ADAMTS14: variants seen among roughly 807,000 people sequenced by gnomAD.
ADAMTS14 encodes the protein A disintegrin and metalloproteinase with thrombospondin motifs 14.
In ADAMTS14, 100 loss-of-function variants were observed where a neutral mutation model predicts 128.6. The observed-to-expected ratio is 0.78, with a 90% confidence interval of 0.66 to 0.92. ADAMTS14 has a LOEUF of 0.92. ADAMTS14 is among the 40% of genes least tolerant of loss of function. The pLI is 0.00. For missense variants in ADAMTS14, 1,562 were observed against 1,658.6 expected (o/e 0.94, Z 1.01); for synonymous variants, 665 against 653.8 (o/e 1.02, Z -0.26).
intron 4 of ADAMTS14, among the ~76,000 whole-genome samples, chr10:70,724,159 C>T (rs537180589): frequency 1.9e-4 from 29 of 152,320 alleles, no homozygotes; most frequent in Non-Finnish European, 3.4e-4. Context: ...CTTTTCTTCC[C>T]TTGGTCAGAG....
At chr10:70,710,729 A>C (rs1840827250) in intron 4 of ADAMTS14, among the ~76,000 whole-genome samples, 2 of 152,222 alleles carry the variant, frequency 1.3e-5, no homozygotes, top group South Asian at 4.1e-4. Context: ...AGTACTTACT[A>C]CCAGAGGTTT....
At chr10:70,700,661 G>C (rs544579421) in intron 2 of ADAMTS14, among the ~76,000 whole-genome samples, 1 of 152,186 alleles carries the variant, frequency 6.6e-6, no homozygotes, top group Non-Finnish European at 1.5e-5. Context: ...CAGGGGGTTT[G>C]AGTTGAATTT....
At chr10:70,709,365 C>CAG (rs1177164743) in intron 4 of ADAMTS14, among the ~76,000 whole-genome samples, 7 of 151,808 alleles carry the variant, frequency 4.6e-5, no homozygotes, top group African/African-American at 1.7e-4. Flanking sequence ...GGCTGTCCTG[C>CAG]AGAGATACAG....
chr10:70,713,769 G>A, intron 4 of ADAMTS14, among the ~76,000 whole-genome samples: 1 of 152,180 alleles, frequency 6.6e-6, no homozygotes, highest in East Asian at 1.9e-4. Context: ...CAGGACCTGT[G>A]CCCAGAAGGC....
chr10:70,738,072 G>A (rs910018431), intron 10 of ADAMTS14, among the ~76,000 whole-genome samples: 1 of 129,212 alleles, frequency 7.7e-6, no homozygotes, highest in Non-Finnish European at 1.6e-5. Flanking sequence ...TGAAGATCAG[G>A]CATCTGAAGT....
At chr10:70,692,059 C>A (rs984063476) in intron 2 of ADAMTS14, among the ~76,000 whole-genome samples, 4 of 151,882 alleles carry the variant, frequency 2.6e-5, no homozygotes, top group Non-Finnish European at 5.9e-5. Flanking sequence ...TCTGAATCAC[C>A]CAGCAGCTTC....
chr10:70,686,199 C>T (rs1184066016), intron 2 of ADAMTS14, among the ~76,000 whole-genome samples: 1 of 150,814 alleles, frequency 6.6e-6, no homozygotes, highest in African/African-American at 2.4e-5. Context: ...GAGGTGAGAT[C>T]GTTTGTTAGG....
At position 70,735,101 on chromosome 10, in the gene ADAMTS14, C is replaced by T. The variant is rs185053127; in HGVS notation, c.1353-68C>T. ...AGGCCTTGCTCATGAAAACCCCAGC[C>T]CCTGGGAAGGGAAAGCCTGGGACTT... On this transcript the variant is annotated intron_variant, in intron 8 of 21. Coordinates refer to ENST00000373207, the MANE Select transcript of ADAMTS14 (RefSeq NM_080722.4). 1.6e-5 allele frequency: 25 copies of T among 1,560,494 alleles called. No individual in the cohort carries two copies. In the African/African-American group the frequency reaches 2.8e-4, roughly 18 times the overall value.
intron 16 of ADAMTS14, among the ~76,000 whole-genome samples, chr10:70,750,498 C>T (rs1225051557): frequency 2.6e-5 from 4 of 152,168 alleles, no homozygotes; most frequent in East Asian, 3.9e-4. Context: ...ACCCAGCAGA[C>T]GAGACCATTA....
At chr10:70,723,777 CT>C (rs1201356279) in intron 4 of ADAMTS14, among the ~76,000 whole-genome samples, 2 of 152,176 alleles carry the variant, frequency 1.3e-5, no homozygotes, top group African/African-American at 4.8e-5. Flanking sequence ...CTTTTACAAC[CT>C]TCTTGAGTTG....
At chr10:70,733,163 C>A (rs1367366503) in intron 7 of ADAMTS14, among the ~76,000 whole-genome samples, 2 of 152,202 alleles carry the variant, frequency 1.3e-5, no homozygotes, top group Non-Finnish European at 2.9e-5. Flanking sequence ...ACCAGGGGAA[C>A]CTCTGAGGCC....
In ADAMTS14 at chr10:70,751,470, C is replaced by T. The variant is rs1842346581; in HGVS notation, c.2428-8C>T. 3 of 1,599,050 alleles carry T rather than the reference C, an allele frequency of 1.9e-6. No individual in the cohort carries two copies. The highest frequency in any genetic ancestry group is 1.7e-6 in the Non-Finnish European group (2 of 1,167,510). ...CTGGTCCTGTGCCAGCTCCCCATCT[C>T]CCCTCAGGCTCTCCCCCCAACTGAG... On this transcript the variant is annotated splice_polypyrimidine_tract_variant and splice_region_variant and intron_variant, in intron 16 of 21. Transcript: ENST00000373207.
intron 4 of ADAMTS14, among the ~76,000 whole-genome samples, chr10:70,723,575 G>A (rs1159876781): frequency 6.6e-6 from 1 of 152,154 alleles, no homozygotes; most frequent in Non-Finnish European, 1.5e-5. Context: ...CAGGCCATTC[G>A]CCGCGAGGAT....
At position 70,693,944 on chromosome 10, in the gene ADAMTS14, G is replaced by A. The variant is rs142964208; in HGVS notation, c.523-8368G>A. Among the ~76,000 whole-genome samples, 67 of 152,356 alleles carry A rather than the reference G, an allele frequency of 4.4e-4. 1 individual carries two copies. Among genetic ancestry groups the A allele is most frequent in the Non-Finnish European group, 2.1e-4 (14 of 68,024 alleles). ...GCCGTGCAGATGTACGTGGCAGAGC[G>A]TGCCAGTTGTGGACAAGTCTGGCAG... On this transcript the variant is annotated intron_variant, in intron 2 of 21. Transcript: ENST00000373207.
At chr10:70,734,607 G>A (rs1300177532) in intron 8 of ADAMTS14, among the ~76,000 whole-genome samples, 1 of 152,196 alleles carries the variant, frequency 6.6e-6, no homozygotes, top group Non-Finnish European at 1.5e-5. Context: ...GGCCTGGCTG[G>A]TCAGCTCCTG....
intron 2 of ADAMTS14, among the ~76,000 whole-genome samples, chr10:70,685,428 G>A (rs1308389123): frequency 6.6e-6 from 1 of 152,236 alleles, no homozygotes; most frequent in Non-Finnish European, 1.5e-5. Flanking sequence ...CTTGTGTTAT[G>A]AAAACCTGCA....
At chr10:70,679,262 G>C (rs1839732678) in intron 2 of ADAMTS14, among the ~76,000 whole-genome samples, 1 of 152,208 alleles carries the variant, frequency 6.6e-6, no homozygotes, top group African/African-American at 2.4e-5. Context: ...AGCCAGTCTT[G>C]AGGATGTCCA....
At position 70,735,151 on chromosome 10, in the gene ADAMTS14, C is replaced by T. The variant is rs746021834; in HGVS notation, c.1353-18C>T. On this transcript the variant is annotated intron_variant, in intron 8 of 21. Coordinates refer to ENST00000373207, the MANE Select transcript of ADAMTS14 (RefSeq NM_080722.4). Reference sequence around the variant, plus strand: ...TCCTGCTGTCAGCCTGGCTCACCTTCCTTGTCTCTACTGGCAGCTCCTACG... The same window carrying T: ...TCCTGCTGTCAGCCTGGCTCACCTTTCTTGTCTCTACTGGCAGCTCCTACG... 24 of 1,605,814 alleles carry T rather than the reference C, an allele frequency of 1.5e-5. No individual in the cohort carries two copies. Among genetic ancestry groups the T allele is most frequent in the Non-Finnish European group, 1.7e-5 (20 of 1,173,948 alleles).
intron 13 of ADAMTS14, 30 bp from the exon 14 acceptor site, chr10:70,744,036 T>TC (rs756500625): frequency 8.1e-5 from 126 of 1,551,962 alleles, no homozygotes; most frequent in Middle Eastern, 6.7e-4. Context: ...CAGGGGAGCC[T>TC]CCTCCCACTG....
Sources: gnomAD v4.1 joint callset for allele counts (sites outside exome capture counted in the v4.1 genomes callset) on GRCh38, gnomAD v4.1.1 for gene constraint, MANE v1.5 for transcripts, NCBI Gene and HGNC (gene_info 2026-07-23, HGNC 2026-07-21) for gene names.